BEST3: variants seen among roughly 807,000 people sequenced by gnomAD.
BEST3 encodes the protein bestrophin-3.
In BEST3, 50 loss-of-function variants were observed where a neutral mutation model predicts 47.1. The ratio of observed to expected loss-of-function variants is 1.06; its 90% CI spans 0.85 to 1.34. BEST3 has a LOEUF of 1.34. BEST3 is among the 40% of genes most tolerant of loss of function. BEST3 has a pLI of 0.00. For missense variants in BEST3, 765 were observed against 817.0 expected, an observed-to-expected ratio of 0.94 and a Z score of 0.78; for synonymous variants, 282 against 298.8, an observed-to-expected ratio of 0.94 and a Z score of 0.58.
intron 9 of BEST3, among the ~76,000 whole-genome samples, chr12:69,645,783 A>C (rs1296602435): frequency 8.6e-6 from 1 of 115,878 alleles, no homozygotes; most frequent in Non-Finnish European, 1.7e-5. Context: ...GCACATCCTA[A>C]GTACCCAATA....
intron 3 of BEST3, chr12:69,694,124 C>CA: frequency 1.8e-6 from 1 of 567,808 alleles, no homozygotes. Flanking sequence ...ATATTGACTG[C>CA]AAAAATGGAG....
At chr12:69,667,385 C>T (rs1884290575) in intron 9 of BEST3, among the ~76,000 whole-genome samples, 1 of 152,086 alleles carries the variant, frequency 6.6e-6, no homozygotes, top group African/African-American at 2.4e-5. Flanking sequence ...ACCTCCTCTG[C>T]CTCCTGGATT....
In BEST3 at chr12:69,655,170, G is replaced by C; in HGVS notation, c.1744C>G (p.Pro582Ala). 2 of 1,614,074 alleles carry C rather than the reference G, an allele frequency of 1.2e-6. No homozygotes were observed. Among genetic ancestry groups the C allele is most frequent in the Non-Finnish European group, 1.7e-6 (2 of 1,179,992 alleles). ...EENIFNCEED[P>A]GDTFLKRWSL... ...CACCTTTTTAGAAAGGTATCACCAGGGTCTTCTTCACAGTTGAATATATTT... is the reference window on the plus strand; with the variant it reads ...CACCTTTTTAGAAAGGTATCACCAGCGTCTTCTTCACAGTTGAATATATTT... Residue 582 changes from proline (P) to alanine (A), a missense_variant, in exon 10 of 10, where the codon CCT becomes GCT. By Grantham distance (27) the Pro-to-Ala change is conservative (BLOSUM62 -1). Transcript: ENST00000330891.
chr12:69,678,465 C>T (rs1302788834), intron 5 of BEST3, among the ~76,000 whole-genome samples: 1 of 152,092 alleles, frequency 6.6e-6, no homozygotes, highest in East Asian at 1.9e-4. Flanking sequence ...CGACCCTTGG[C>T]TAATCAATCA....
chr12:69,654,901 T>C lies in BEST3; in HGVS notation c.*6A>G. ...GCTAGAACCAGGTCCTAGAACTTGGTGGCACTCATTTGGGTGATTCCTCAG... is the reference window on the plus strand; with the variant it reads ...GCTAGAACCAGGTCCTAGAACTTGGCGGCACTCATTTGGGTGATTCCTCAG... On this transcript the variant is annotated 3_prime_UTR_variant, in exon 10 of 10. Transcript: ENST00000330891. The C allele has an allele frequency of 1.9e-6, 3 of 1,604,148 alleles. No individual in the cohort carries two copies. In the African/African-American group the frequency reaches 4.0e-5, roughly 21 times the overall value.
chr12:69,698,580 T>C (rs935453754), intron 1 of BEST3, among the ~76,000 whole-genome samples: 1 of 152,210 alleles, frequency 6.6e-6, no homozygotes, highest in Non-Finnish European at 1.5e-5. Flanking sequence ...ATTTAAAATC[T>C]TACTTTTCTC....
chr12:69,674,638 A>G (rs1396041482), intron 7 of BEST3, among the ~76,000 whole-genome samples: 2 of 152,162 alleles, frequency 1.3e-5, no homozygotes, highest in East Asian at 3.9e-4. Context: ...TTTCATTTTT[A>G]TGCAATCAGT....
chr12:69,690,669 C>A (rs1885887310), intron 4 of BEST3, among the ~76,000 whole-genome samples: 1 of 152,204 alleles, frequency 6.6e-6, no homozygotes, highest in Admixed American at 6.5e-5. Context: ...AGAGAAATAT[C>A]ACCTCTGTTC....
At chr12:69,664,885 A>G (rs1884094004) in intron 9 of BEST3, among the ~76,000 whole-genome samples, 1 of 152,164 alleles carries the variant, frequency 6.6e-6, no homozygotes, top group Non-Finnish European at 1.5e-5. Flanking sequence ...AACCATCATT[A>G]ATTATACAAT....
At chr12:69,692,018 CTT>C (rs1222932340) in intron 4 of BEST3, among the ~76,000 whole-genome samples, 2 of 152,200 alleles carry the variant, frequency 1.3e-5, no homozygotes, top group Non-Finnish European at 2.9e-5. Context: ...CCAACCTTCT[CTT>C]TGTATTTTGG....
Position 69,654,684 on chromosome 12 carries a change from TC to T in BEST3, c.*222del. On this transcript the variant is annotated 3_prime_UTR_variant, in exon 10 of 10. Coordinates refer to ENST00000330891, the MANE Select transcript of BEST3 (RefSeq NM_032735.3). The stretch of plus-strand genomic sequence containing the variant: ...CTAAATCACTGTGGTCTGTGTAACT[TC>T]TGATGAAAGCCATGTTGTGTTGGAT... The T allele has an allele frequency of 1.5e-6, 2 of 1,307,822 alleles. No homozygotes were observed. Among genetic ancestry groups the T allele is most frequent in the East Asian group, 5.6e-5 (2 of 36,020 alleles). The allele number at this position is 1,307,822 out of a possible 1,614,324, so 81.0% of individuals were successfully genotyped here. A position where few individuals can be genotyped will look rare whatever the true frequency, so the allele number is the denominator to read the frequency against.
intron 4 of BEST3, among the ~76,000 whole-genome samples, chr12:69,688,437 C>T (rs1161419451): frequency 6.6e-6 from 1 of 152,142 alleles, no homozygotes; most frequent in Non-Finnish European, 1.5e-5. Flanking sequence ...TTCATATAAG[C>T]AGAAACAAAA....
chr12:69,648,650 A>G (rs748825455), downstream of BEST3, among the ~76,000 whole-genome samples: 4 of 152,172 alleles, frequency 2.6e-5, no homozygotes, highest in Non-Finnish European at 5.9e-5. Context: ...CTTTAGCGGA[A>G]TGCCTGACAC....
In BEST3 at chr12:69,677,166, A is replaced by G. The variant is rs771720622; in HGVS notation, c.714+14T>C. On this transcript the variant is annotated intron_variant, in intron 6 of 9. Transcript: ENST00000330891. ...CAAGTAGAAATAAAGAATTCCATGAAAAGTATTTCTTACCTGGGTGTAAAC... is the reference window on the plus strand; with the variant it reads ...CAAGTAGAAATAAAGAATTCCATGAGAAGTATTTCTTACCTGGGTGTAAAC... 1 of 1,613,668 alleles carries G rather than the reference A, an allele frequency of 6.2e-7. No homozygotes were observed. The highest frequency in any genetic ancestry group is 1.3e-5 in the African/African-American group (1 of 75,066).
intron 4 of BEST3, among the ~76,000 whole-genome samples, chr12:69,686,791 AAAG>A (rs2136021587): frequency 1.1e-5 from 1 of 90,660 alleles, no homozygotes; most frequent in Non-Finnish European, 2.8e-5. Context: ...AAAAAAAAAG[AAAG>A]AAAAGAAAAA....
Position 69,693,728 on chromosome 12 carries a change from C to T in BEST3, c.427G>A (p.Val143Met). Residue 143 changes from valine (V) to methionine (M), a missense_variant, in exon 4 of 10, where the codon GTG (valine) becomes ATG (methionine). By Grantham distance (21) the Val-to-Met change is conservative. Transcript: ENST00000330891. ...AATCTTTTGTACACAGCAGTGCTCA[C>T]CGAGCGAAAGATGAGCAGGGAGGTG... ...NLTSLLIFRSVSTAVYKRFPT... is the reference protein window; with the variant it reads ...NLTSLLIFRSMSTAVYKRFPT... 1 of 1,614,178 alleles carries T rather than the reference C, an allele frequency of 6.2e-7. No homozygotes were observed. The highest frequency in any genetic ancestry group is 8.5e-7 in the Non-Finnish European group (1 of 1,180,034).
At chr12:69,672,071 T>C (rs754573737) in intron 8 of BEST3, among the ~76,000 whole-genome samples, 2 of 152,248 alleles carry the variant, frequency 1.3e-5, no homozygotes, top group Non-Finnish European at 2.9e-5. Context: ...AAGAAGTCTA[T>C]ACTGCTCAGT....
In BEST3 at chr12:69,653,666, C is replaced by A. The variant is rs1565818885; in HGVS notation, c.*1241G>T. The A allele has an allele frequency of 1.0e-6, 1 of 985,286 alleles. No homozygotes were observed. Among genetic ancestry groups the A allele is most frequent in the East Asian group, 1.1e-4 (1 of 8,830 alleles). The allele number at this position is 985,286 out of a possible 1,614,324, so 61.0% of individuals were successfully genotyped here. A position where few individuals can be genotyped will look rare whatever the true frequency, so the allele number is the denominator to read the frequency against. Reference sequence around the variant, plus strand: ...TATGTAGTCAAGTGCCATCATATGACAAATGGTAAGTGCAGCAGTCGTAAG... The same window carrying A: ...TATGTAGTCAAGTGCCATCATATGAAAAATGGTAAGTGCAGCAGTCGTAAG... On this transcript the variant is annotated 3_prime_UTR_variant, in exon 10 of 10. Coordinates refer to ENST00000330891, the MANE Select transcript of BEST3 (RefSeq NM_032735.3).
intron 7 of BEST3, among the ~76,000 whole-genome samples, chr12:69,673,491 G>T (rs1030246350): frequency 2.0e-5 from 3 of 152,164 alleles, no homozygotes; most frequent in African/African-American, 7.2e-5. Context: ...AGGCTGGAGT[G>T]CAGTGGCATA....
Sources: gnomAD v4.1 joint callset for allele counts (sites outside exome capture counted in the v4.1 genomes callset) on GRCh38, gnomAD v4.1.1 for gene constraint, MANE v1.5 for transcripts, NCBI Gene and HGNC (gene_info 2026-07-23, HGNC 2026-07-21) for gene names.